CCSER1: variants seen among roughly 807,000 people sequenced by gnomAD.
CCSER1 encodes the protein coiled-coil serine rich protein 1, also known as serine-rich coiled-coil domain-containing protein 1.
CCSER1 carries 41 observed loss-of-function variants against 82.0 expected under a neutral mutation model. The observed-to-expected ratio is 0.50, with a 90% CI of 0.39 to 0.65. The LOEUF (loss-of-function observed/expected upper bound fraction) is 0.65. CCSER1 is among the 30% of genes least tolerant of loss of function. CCSER1 has a pLI of 0.00. For synonymous variants in CCSER1, 414 were observed against 383.9 expected (o/e 1.08, Z -0.92); for missense variants, 1,119 against 1,064.2 (o/e 1.05, Z -0.72).
chr4:91,448,136 G>T (rs188111284), intron 10 of CCSER1, among the ~76,000 whole-genome samples: 12 of 151,970 alleles, frequency 7.9e-5, no homozygotes, highest in African/African-American at 2.9e-4. Flanking sequence ...CAAATTAATC[G>T]GTCTCATTTT....
Position 90,230,329 on chromosome 4 carries a change from G to A in CCSER1, c.-41-77915G>A, listed in dbSNP as rs560672934. Among the ~76,000 whole-genome samples the A allele has an allele frequency of 3.1e-3, 472 of 152,104 alleles. 4 individuals carry two copies. The highest frequency in any genetic ancestry group is 0.011 in the African/African-American group (447 of 41,472). ...AGGATGAAGAAACTCACTCAAAACC[G>A]CTCAACTACATGGAAACTGAACAAC... On this transcript the variant is annotated intron_variant, in intron 1 of 10. Coordinates refer to ENST00000509176, the MANE Select transcript of CCSER1 (RefSeq NM_001145065.2).
At chr4:90,699,435 G>T (rs968159508) in intron 6 of CCSER1, among the ~76,000 whole-genome samples, 3 of 152,128 alleles carry the variant, frequency 2.0e-5, no homozygotes, top group South Asian at 4.1e-4. Flanking sequence ...ATGTTAATGG[G>T]CAGTTGAATC....
chr4:91,002,475 G>A (rs886129041), intron 9 of CCSER1, among the ~76,000 whole-genome samples: 2 of 152,036 alleles, frequency 1.3e-5, no homozygotes, highest in Non-Finnish European at 2.9e-5. Flanking sequence ...TTGTCAGATT[G>A]GGTTAATTGG....
chr4:91,467,654 A>G (rs1209842004), intron 10 of CCSER1, among the ~76,000 whole-genome samples: 3 of 152,200 alleles, frequency 2.0e-5, no homozygotes, highest in Non-Finnish European at 4.4e-5. Context: ...CAAACTTACA[A>G]GAAAAAAACA....
rs534701296 is a variant in CCSER1 at position 90,759,368 on chromosome 4, G to A, written c.2010+35377G>A. ...AAATTGAGTTCTTTAAAGATATTGG[G>A]AATAGGACAAAATGCTACCTCAGTA... is the stretch of plus-strand genomic sequence containing the variant. On this transcript the variant is annotated intron_variant, in intron 7 of 10. Transcript: ENST00000509176. Among the ~76,000 whole-genome samples the A allele has an allele frequency of 3.9e-5, 6 of 152,200 alleles. No individual in the cohort carries two copies. The South Asian group carries it at 1.0e-3, about 26-fold the overall frequency.
At chr4:91,543,888 CA>C (rs1439583018) in intron 10 of CCSER1, among the ~76,000 whole-genome samples, 1 of 152,174 alleles carries the variant, frequency 6.6e-6, no homozygotes, top group Non-Finnish European at 1.5e-5. Context: ...TAATATCCGG[CA>C]GATTGTTTTC....
chr4:91,199,810 G>T (rs1207494533), intron 10 of CCSER1, among the ~76,000 whole-genome samples: 1 of 151,756 alleles, frequency 6.6e-6, no homozygotes, highest in East Asian at 1.9e-4. Context: ...TCAGAAATTG[G>T]ACATGTCAGT....
chr4:91,461,422 A>G (rs1560689569), intron 10 of CCSER1, among the ~76,000 whole-genome samples: 1 of 152,184 alleles, frequency 6.6e-6, no homozygotes, highest in African/African-American at 2.4e-5. Context: ...AGTGGCACAG[A>G]TGGAATTTGC....
chr4:91,113,483 T>G lies in CCSER1; in HGVS notation c.2217+27489T>G, dbSNP rs558945603. On this transcript the variant is annotated intron_variant, in intron 10 of 10. Transcript: ENST00000509176. Reference sequence around the variant, plus strand: ...AGTGATTAGTAGGTCATACAGCTAGTATGATGTAGAGGTGGGATTTAAATT... The same window carrying G: ...AGTGATTAGTAGGTCATACAGCTAGGATGATGTAGAGGTGGGATTTAAATT... Among the ~76,000 whole-genome samples the G allele has an allele frequency of 1.8e-4, 27 of 152,338 alleles. No homozygotes were observed. In the South Asian group the frequency reaches 1.9e-3, roughly 11 times the overall value.
In CCSER1 at chr4:90,691,207, A is replaced by C. The variant is rs1226955104; in HGVS notation, c.1933-32707A>C. On this transcript the variant is annotated intron_variant, in intron 6 of 10. Coordinates refer to ENST00000509176, the MANE Select transcript of CCSER1 (RefSeq NM_001145065.2). ...CACAACTCTTTTAATTTTACTATTA[A>C]ATCTTTACAGAGGGTTTATACATAC... 2.6e-5 allele frequency among the ~76,000 whole-genome samples: 4 copies of C among 152,192 alleles called. No individual in the cohort carries two copies. In the East Asian group the frequency reaches 7.7e-4, roughly 29 times the overall value.
rs1299105377 is a variant in CCSER1 at position 90,815,503 on chromosome 4, AG to A, written c.2011-258del. On this transcript the variant is annotated intron_variant, in intron 7 of 10. Coordinates refer to ENST00000509176, the MANE Select transcript of CCSER1 (RefSeq NM_001145065.2). ...ATACCAAAAACAAAACAAAAAACTA[AG>A]CAAAAACATATGTGTGTGTGGATGT... 2.2e-5 allele frequency among the ~76,000 whole-genome samples: 3 copies of A among 139,296 alleles called. No homozygotes were observed. In the South Asian group the frequency reaches 6.9e-4, roughly 32 times the overall value. 91.4% of individuals were successfully genotyped at this position (139,296 alleles called of 152,430 possible).
intron 6 of CCSER1, among the ~76,000 whole-genome samples, chr4:90,631,556 T>G (rs1251569822): frequency 6.6e-6 from 1 of 152,160 alleles, no homozygotes; most frequent in Non-Finnish European, 1.5e-5. Flanking sequence ...TTAAGATTGC[T>G]CTAGGGTTGT....
At chr4:90,154,036 C>T (rs566207995) in intron 1 of CCSER1, among the ~76,000 whole-genome samples, 18 of 152,238 alleles carry the variant, frequency 1.2e-4, no homozygotes, top group African/African-American at 3.6e-4. Context: ...CTTTAATCCA[C>T]CTTGACTTAA....
At chr4:91,530,745 T>G (rs10030618) in intron 10 of CCSER1, among the ~76,000 whole-genome samples, 63,152 of 150,324 alleles carry the variant, frequency 0.42, 13,615 homozygotes, top group East Asian at 0.58. Context: ...CAGAGTGCAC[T>G]GGTGTGATCT....
At chr4:91,340,578 A>T (rs1345776315) in intron 10 of CCSER1, among the ~76,000 whole-genome samples, 1 of 152,164 alleles carries the variant, frequency 6.6e-6, no homozygotes, top group Admixed American at 6.6e-5. Context: ...ATATGAAAAG[A>T]AGAATTGCAT....
intron 6 of CCSER1, among the ~76,000 whole-genome samples, chr4:90,700,249 T>C (rs1234186651): frequency 1.3e-5 from 2 of 152,294 alleles, no homozygotes; most frequent in East Asian, 1.9e-4. Context: ...GTTTGGTTTT[T>C]TGTCCTTGTG....
At chr4:90,925,313 G>T (rs1408739513) in intron 9 of CCSER1, among the ~76,000 whole-genome samples, 2 of 152,128 alleles carry the variant, frequency 1.3e-5, no homozygotes, top group African/African-American at 2.4e-5. Context: ...CATGACGTTT[G>T]TTGGGAGTCT....
intron 6 of CCSER1, among the ~76,000 whole-genome samples, chr4:90,692,223 T>C (rs1462957221): frequency 1.3e-5 from 2 of 151,818 alleles, no homozygotes; most frequent in Non-Finnish European, 2.9e-5. Context: ...TATAGACAGT[T>C]TGTCCCGTTC....
At chr4:91,201,909 AT>A (rs1735932767) in intron 10 of CCSER1, among the ~76,000 whole-genome samples, 1 of 152,074 alleles carries the variant, frequency 6.6e-6, no homozygotes, top group African/African-American at 2.4e-5. Flanking sequence ...ACAATAGGCC[AT>A]TATGGTTTAT....
Sources: allele counts gnomAD v4.1 joint callset (sites outside exome capture counted in the v4.1 genomes callset), GRCh38; gene constraint gnomAD v4.1.1; transcripts MANE v1.5; gene names NCBI Gene and HGNC (gene_info 2026-07-23, HGNC 2026-07-21).